The following RSRC1 variants were observed in gnomAD, a reference collection of about 807,000 sequenced individuals.
RSRC1 encodes the protein arginine and serine rich coiled-coil 1.
RSRC1 carries 39 observed loss-of-function variants against 49.1 expected under a neutral mutation model. That is an observed-to-expected ratio of 0.79 (90% CI 0.61 to 1.04). The LOEUF is 1.04. Among genes scored for constraint, RSRC1 ranks in the 50% least tolerant of loss-of-function variants. RSRC1 has a pLI of 0.00. For synonymous variants in RSRC1, 143 were observed against 130.8 expected (o/e 1.09, Z -0.63); for missense variants, 388 against 402.4 (o/e 0.96, Z 0.31).
At chr3:158,115,911 T>A (rs544905904) in intron 1 of RSRC1, among the ~76,000 whole-genome samples, 11 of 152,334 alleles carry the variant, frequency 7.2e-5, no homozygotes, top group African/African-American at 2.4e-4. Flanking sequence ...TTTGAAACCA[T>A]ATGGATAACC....
intron 3 of RSRC1, among the ~76,000 whole-genome samples, chr3:158,131,513 C>G (rs954243781): frequency 1.3e-5 from 2 of 151,886 alleles, no homozygotes; most frequent in African/African-American, 2.4e-5. Flanking sequence ...TGTACCATAC[C>G]CAAAACACCC....
rs1396966434 is a variant in RSRC1, at chr3:158,404,972, C to T, written c.583+50064C>T. On this transcript the variant is annotated intron_variant, in intron 6 of 9. Coordinates refer to ENST00000611884, the MANE Select transcript of RSRC1 (RefSeq NM_001271838.2). ...TAAAGTCATTAAAGGAAAAAAATCA[C>T]TGTGATTATTGTTATACTCTGACTA... is the stretch of plus-strand genomic sequence containing the variant. Among the ~76,000 whole-genome samples the T allele has an allele frequency of 2.6e-5, 4 of 151,872 alleles. 1 individual carries two copies. Among genetic ancestry groups the T allele is most frequent in the African/African-American group, 9.7e-5 (4 of 41,410 alleles).
chr3:158,410,304 C>G (rs1734390103), intron 6 of RSRC1, among the ~76,000 whole-genome samples: 1 of 152,118 alleles, frequency 6.6e-6, no homozygotes, highest in South Asian at 2.1e-4. Flanking sequence ...GTTTTTCCAT[C>G]TACCTGAAAT....
intron 7 of RSRC1, among the ~76,000 whole-genome samples, chr3:158,482,899 A>G (rs1738672966): frequency 6.6e-6 from 1 of 151,984 alleles, no homozygotes. Flanking sequence ...ATCTGCACAG[A>G]AATCAAATTA....
chr3:158,229,276 A>G lies in RSRC1; in HGVS notation c.494+26031A>G, dbSNP rs575078642. 7.7e-5 allele frequency among the ~76,000 whole-genome samples: 7 copies of G among 90,460 alleles called. 2 individuals carry two copies. The South Asian group carries it at 2.0e-3, about 26-fold the overall frequency. 59.3% of individuals were successfully genotyped at this position (90,460 alleles called of 152,430 possible). A position where few individuals can be genotyped will look rare whatever the true frequency, so the allele number is the denominator to read the frequency against. On this transcript the variant is annotated intron_variant, in intron 4 of 9. Coordinates refer to ENST00000611884, the MANE Select transcript of RSRC1 (RefSeq NM_001271838.2). ...CATACATGTATATGTGTATGTATGTATATAAACATACACACACGTATATGT... is the reference window on the plus strand; with the variant it reads ...CATACATGTATATGTGTATGTATGTGTATAAACATACACACACGTATATGT...
chr3:158,111,989 TCTC>T (rs1248335057), intron 1 of RSRC1, among the ~76,000 whole-genome samples: 6 of 152,334 alleles, frequency 3.9e-5, no homozygotes, highest in Non-Finnish European at 8.8e-5. Context: ...TGTAAATTGA[TCTC>T]CTCCTGTAGT....
rs1715518272 is a variant in RSRC1 at position 158,124,888 on chromosome 3, C to T, written c.320+897C>T. Among the ~76,000 whole-genome samples the T allele has an allele frequency of 3.4e-5, 5 of 148,348 alleles. No individual in the cohort carries two copies. In the Admixed American group the frequency reaches 3.4e-4, roughly 10 times the overall value. On this transcript the variant is annotated intron_variant, in intron 3 of 9. Coordinates refer to ENST00000611884, the MANE Select transcript of RSRC1 (RefSeq NM_001271838.2). Reference sequence around the variant, plus strand: ...GGCTTGGGTGTATTGGTGCAGTCAGCTCACTGCAGCCTCAAACTCCTGGGC... The same window carrying T: ...GGCTTGGGTGTATTGGTGCAGTCAGTTCACTGCAGCCTCAAACTCCTGGGC...
intron 6 of RSRC1, among the ~76,000 whole-genome samples, chr3:158,380,398 T>C (rs1297146964): frequency 6.6e-6 from 1 of 152,234 alleles, no homozygotes; most frequent in African/African-American, 2.4e-5. Flanking sequence ...AGTTCAAGGC[T>C]GTAGTGTTCT....
intron 4 of RSRC1, among the ~76,000 whole-genome samples, chr3:158,233,320 A>T (rs1723068499): frequency 6.6e-6 from 1 of 152,110 alleles, no homozygotes; most frequent in East Asian, 1.9e-4. Flanking sequence ...GTAGGAAGCT[A>T]TCAGTTTGGT....
At chr3:158,363,877 C>A (rs1359407676) in intron 6 of RSRC1, among the ~76,000 whole-genome samples, 1 of 152,070 alleles carries the variant, frequency 6.6e-6, no homozygotes, top group African/African-American at 2.4e-5. Context: ...TAACACCTAG[C>A]TATGGAAGTG....
intron 6 of RSRC1, among the ~76,000 whole-genome samples, chr3:158,429,871 C>G: frequency 6.6e-6 from 1 of 151,534 alleles, no homozygotes; most frequent in Non-Finnish European, 1.5e-5. Context: ...TTACCGGGTT[C>G]TGTGGGGAGT....
intron 4 of RSRC1, among the ~76,000 whole-genome samples, chr3:158,254,439 C>G (rs1559963357): frequency 1.3e-5 from 2 of 149,590 alleles, no homozygotes; most frequent in African/African-American, 4.9e-5. Flanking sequence ...TGTTTCCTGA[C>G]TTTTTTTTTT....
chr3:158,256,212 T>G (rs1407386964), intron 4 of RSRC1, among the ~76,000 whole-genome samples: 1 of 152,120 alleles, frequency 6.6e-6, no homozygotes, highest in East Asian at 1.9e-4. Context: ...CATAAATAGC[T>G]CTTATTGTTT....
At chr3:158,526,811 T>C (rs898892110) in intron 7 of RSRC1, among the ~76,000 whole-genome samples, 2 of 151,944 alleles carry the variant, frequency 1.3e-5, no homozygotes, top group Non-Finnish European at 2.9e-5. Flanking sequence ...CAAATACAAT[T>C]ATGTTAGGTA....
At chr3:158,531,997 A>T (rs1264693548) in intron 7 of RSRC1, among the ~76,000 whole-genome samples, 1 of 151,778 alleles carries the variant, frequency 6.6e-6, no homozygotes, top group Non-Finnish European at 1.5e-5. Flanking sequence ...AAAGTTTTTT[A>T]TTATCTGTCT....
At chr3:158,179,319 A>T (rs1719445084) in intron 3 of RSRC1, among the ~76,000 whole-genome samples, 1 of 152,234 alleles carries the variant, frequency 6.6e-6, no homozygotes, top group African/African-American at 2.4e-5. Flanking sequence ...GAATGTAGAC[A>T]TTGATACAGC....
intron 6 of RSRC1, among the ~76,000 whole-genome samples, chr3:158,423,497 A>C (rs1239340310): frequency 1.3e-5 from 2 of 152,134 alleles, no homozygotes; most frequent in African/African-American, 2.4e-5. Flanking sequence ...GTATAGTTTG[A>C]AGTCAGGTAG....
intron 6 of RSRC1, among the ~76,000 whole-genome samples, chr3:158,457,777 G>T (rs1223779747): frequency 2.0e-5 from 3 of 149,994 alleles, no homozygotes; most frequent in Admixed American, 6.6e-5. Context: ...ATATATATGG[G>T]ATAAAACTGA....
intron 4 of RSRC1, among the ~76,000 whole-genome samples, chr3:158,257,927 T>C (rs1045973201): frequency 6.6e-5 from 10 of 152,184 alleles, no homozygotes; most frequent in Middle Eastern, 3.2e-3. Context: ...TAATACAAAC[T>C]CTATGCCTTA....
Sources: gnomAD v4.1 joint callset for allele counts (sites outside exome capture counted in the v4.1 genomes callset) on GRCh38, gnomAD v4.1.1 for gene constraint, MANE v1.5 for transcripts, NCBI Gene and HGNC (gene_info 2026-07-23, HGNC 2026-07-21) for gene names.